The following ITPR1 variants were observed in gnomAD, a reference collection of about 807,000 sequenced individuals.
ITPR1 encodes inositol 1,4,5-trisphosphate-gated calcium channel ITPR1.
A neutral mutation model predicts 318.4 loss-of-function variants in ITPR1; 96 were observed. The ratio of observed to expected loss-of-function variants is 0.30; its 90% CI spans 0.26 to 0.36. ITPR1 has a LOEUF of 0.36. Ranked by LOEUF, ITPR1 falls within the 10% of genes least tolerant of loss-of-function variation. The probability of loss-of-function intolerance (pLI) is 1.00; values close to 1 mark genes in which losing one functional copy is unlikely to be tolerated. For synonymous variants in ITPR1, 1,312 were observed against 1,289.9 expected (o/e 1.02, Z -0.37); for missense variants, 2,440 against 3,460.2 (o/e 0.71, Z 7.40).
chr3:4,503,943 A>G lies in ITPR1; in HGVS notation c.-17+9437A>G, dbSNP rs143539141. Among the ~76,000 whole-genome samples, 631 of 152,212 alleles carry G rather than the reference A, an allele frequency of 4.1e-3. 6 individuals are homozygous for G. Among genetic ancestry groups the G allele is most frequent in the African/African-American group, 0.014 (583 of 41,522 alleles). On this transcript the variant is annotated intron_variant, in intron 2 of 61. Coordinates refer to ENST00000649015, the MANE Select transcript of ITPR1 (RefSeq NM_001378452.1). ...CCCCTCTCGCCCCCTCCCAAAACCA[A>G]AAAACACTGGCCTTGGTATCTGGAG... is the stretch of plus-strand genomic sequence containing the variant.
intron 6 of ITPR1, among the ~76,000 whole-genome samples, chr3:4,640,132 A>G (rs1258333894): frequency 6.6e-6 from 1 of 152,214 alleles, no homozygotes; most frequent in African/African-American, 2.4e-5. Context: ...AGGCACAAAG[A>G]GTAGTAGTTA....
rs116121155 is a variant in ITPR1, at chr3:4,810,834, T to C, written c.7273-431T>C. 1.7e-3 allele frequency among the ~76,000 whole-genome samples: 262 copies of C among 152,312 alleles called. 1 individual carries two copies. Among genetic ancestry groups the C allele is most frequent in the African/African-American group, 6.1e-3 (252 of 41,570 alleles). On this transcript the variant is annotated intron_variant, in intron 55 of 61. Coordinates refer to ENST00000649015, the MANE Select transcript of ITPR1 (RefSeq NM_001378452.1). ...AGTTCTTGCCACTGACGCTGGCTTG[T>C]AGTACGTCTGCCTTCCCACCAGACA...
At chr3:4,822,242 C>T (rs191242454) in intron 60 of ITPR1, among the ~76,000 whole-genome samples, 4 of 152,302 alleles carry the variant, frequency 2.6e-5, no homozygotes, top group African/African-American at 9.6e-5. Flanking sequence ...GAGCAACAGG[C>T]CCAGAGCACA....
intron 44 of ITPR1, among the ~76,000 whole-genome samples, chr3:4,748,796 C>A (rs1222102507): frequency 6.6e-6 from 1 of 152,226 alleles, no homozygotes; most frequent in Non-Finnish European, 1.5e-5. Context: ...CCTCGGTTAT[C>A]AGCTGCAGAG....
chr3:4,775,887 T>G (rs1020935133), intron 47 of ITPR1, among the ~76,000 whole-genome samples: 3 of 152,180 alleles, frequency 2.0e-5, no homozygotes, highest in Non-Finnish European at 4.4e-5. Context: ...AAGGACATTT[T>G]TATAGTTGAG....
intron 40 of ITPR1, among the ~76,000 whole-genome samples, chr3:4,722,433 C>T (rs889902351): frequency 6.6e-6 from 1 of 152,092 alleles, no homozygotes; most frequent in African/African-American, 2.4e-5. Context: ...AAAATGTTCC[C>T]CCTAAACACA....
intron 4 of ITPR1, among the ~76,000 whole-genome samples, chr3:4,580,018 G>C (rs944278482): frequency 6.6e-6 from 1 of 152,150 alleles, no homozygotes; most frequent in Non-Finnish European, 1.5e-5. Context: ...AGACCATCCT[G>C]GCTAACACGG....
chr3:4,535,543 C>T (rs551544659), intron 4 of ITPR1, among the ~76,000 whole-genome samples: 1 of 145,072 alleles, frequency 6.9e-6, no homozygotes, highest in East Asian at 2.1e-4. Context: ...CCTGGGTTCA[C>T]ACCATTCTCC....
chr3:4,653,702 G>A (rs921203080), intron 11 of ITPR1, 140 bp from the exon 12 acceptor site: 7 of 619,588 alleles, frequency 1.1e-5, no homozygotes, highest in Non-Finnish European at 2.1e-5. Flanking sequence ...GTCGTGGCAT[G>A]CTGGTTTTGT....
chr3:4,526,593 TG>T (rs1280291996), intron 4 of ITPR1, among the ~76,000 whole-genome samples: 2 of 152,248 alleles, frequency 1.3e-5, no homozygotes, highest in African/African-American at 4.8e-5. Context: ...CAATAGCCAA[TG>T]TTAATACAGC....
At chr3:4,681,510 T>G in intron 26 of ITPR1, 92 bp downstream of exon 26, 1 of 885,860 alleles carries the variant, frequency 1.1e-6, no homozygotes, top group Non-Finnish European at 1.9e-6. Context: ...AAATATTTAG[T>G]CTCTGGGCTT....
chr3:4,746,075 G>A (rs940111518), intron 44 of ITPR1, among the ~76,000 whole-genome samples: 9 of 152,218 alleles, frequency 5.9e-5, no homozygotes, highest in Admixed American at 5.9e-4. Flanking sequence ...ACTAGGCACT[G>A]TTACTTCAGG....
In ITPR1 at chr3:4,680,659, A is replaced by G; in HGVS notation, c.3074A>G (p.Asn1025Ser). The G allele has an allele frequency of 1.6e-5, 26 of 1,613,672 alleles. No homozygotes were observed. Among genetic ancestry groups the G allele is most frequent in the Non-Finnish European group, 2.1e-5 (25 of 1,179,696 alleles). ...NSQTSETSSG[N>S]SSQEGPSNVP... ...CAGACTTCAGAAACATCCTCCGGAA[A>G]CAGCAGCCAAGAAGGGCCAAGTAAT... is the stretch of plus-strand genomic sequence containing the variant. Residue 1025 changes from asparagine (N) to serine (S), a missense_variant, in exon 25 of 62, where the codon AAC (asparagine) becomes AGC (serine). Physicochemically the swap from Asn to Ser is conservative, Grantham distance 46. Coordinates refer to ENST00000649015, the MANE Select transcript of ITPR1 (RefSeq NM_001378452.1).
At chr3:4,757,911 G>C (rs1410921024) in intron 44 of ITPR1, among the ~76,000 whole-genome samples, 1 of 152,158 alleles carries the variant, frequency 6.6e-6, no homozygotes. Context: ...CACCCACAGA[G>C]TATCTGTTCA....
intron 44 of ITPR1, among the ~76,000 whole-genome samples, chr3:4,739,807 G>A (rs1366721329): frequency 6.6e-6 from 1 of 152,132 alleles, no homozygotes; most frequent in Non-Finnish European, 1.5e-5. Context: ...CCATCAGGGG[G>A]TTGACTGGTC....
At chr3:4,783,763 G>A in intron 50 of ITPR1, 53 bp from the exon 51 acceptor site, 1 of 1,322,854 alleles carries the variant, frequency 7.6e-7, no homozygotes, top group South Asian at 1.3e-5. Flanking sequence ...GAGTTTCTGT[G>A]TTCCTGTTGT....
intron 4 of ITPR1, among the ~76,000 whole-genome samples, chr3:4,606,098 T>C (rs1442983969): frequency 6.6e-6 from 1 of 152,166 alleles, no homozygotes; most frequent in Non-Finnish European, 1.5e-5. Context: ...TGAATAAATT[T>C]TAAAACAACA....
At chr3:4,679,188 G>C (rs2094247365) in intron 24 of ITPR1, among the ~76,000 whole-genome samples, 1 of 152,206 alleles carries the variant, frequency 6.6e-6, no homozygotes, top group Non-Finnish European at 1.5e-5. Flanking sequence ...AACTGACTGA[G>C]GTTGAGGAAA....
chr3:4,561,473 T>A (rs2086666121), intron 4 of ITPR1, among the ~76,000 whole-genome samples: 1 of 152,204 alleles, frequency 6.6e-6, no homozygotes, highest in Non-Finnish European at 1.5e-5. Flanking sequence ...TGTTGACTTT[T>A]GCAAATACAT....
Sources: allele counts gnomAD v4.1 joint callset (sites outside exome capture counted in the v4.1 genomes callset), GRCh38; gene constraint gnomAD v4.1.1; transcripts MANE v1.5; gene names NCBI Gene and HGNC (gene_info 2026-07-23, HGNC 2026-07-21).